Variants in PIP5K1B observed in about 807,000 individuals in gnomAD.
PIP5K1B encodes phosphatidylinositol 4-phosphate 5-kinase type-1 beta.
A neutral mutation model predicts 67.0 loss-of-function variants in PIP5K1B; 42 were observed. That is an observed-to-expected ratio of 0.63 (90% CI 0.49 to 0.81). The LOEUF (loss-of-function observed/expected upper bound fraction) is 0.81, where lower values mean the gene tolerates loss of function less well. Among genes scored for constraint, PIP5K1B ranks in the 30% least tolerant of loss-of-function variants. The pLI is 0.00. For synonymous variants in PIP5K1B, 214 were observed against 231.4 expected, an observed-to-expected ratio of 0.92 and a Z score of 0.68; for missense variants, 459 against 646.3, an observed-to-expected ratio of 0.71 and a Z score of 3.14.
intron 4 of PIP5K1B, among the ~76,000 whole-genome samples, chr9:68,849,512 A>G (rs11143997): frequency 0.022 from 3,398 of 152,194 alleles, 68 homozygotes; most frequent in East Asian, 0.1. Context: ...TCCCCAGGCA[A>G]GAGCCACCAT....
At chr9:68,898,564 CGT>C (rs539157344) in intron 8 of PIP5K1B, among the ~76,000 whole-genome samples, 1 of 152,166 alleles carries the variant, frequency 6.6e-6, no homozygotes, top group Non-Finnish European at 1.5e-5. Context: ...AGCTGAGATG[CGT>C]GTCCTATTTG....
intron 2 of PIP5K1B, among the ~76,000 whole-genome samples, chr9:68,816,767 G>A (rs563533504): frequency 6.6e-6 from 1 of 152,316 alleles, no homozygotes; most frequent in East Asian, 1.9e-4. Flanking sequence ...TCCATTTGAA[G>A]TAAGAGCTAA....
intron 1 of PIP5K1B, among the ~76,000 whole-genome samples, chr9:68,734,405 A>G (rs917224804): frequency 6.6e-6 from 1 of 152,226 alleles, no homozygotes; most frequent in Non-Finnish European, 1.5e-5. Flanking sequence ...GCTAGAAGAA[A>G]CAATAGAAAG....
At chr9:68,733,094 A>T (rs1828531209) in intron 1 of PIP5K1B, among the ~76,000 whole-genome samples, 1 of 152,286 alleles carries the variant, frequency 6.6e-6, no homozygotes, top group East Asian at 1.9e-4. Flanking sequence ...GTAAATGCTC[A>T]TGTACTTGTG....
chr9:68,933,049 G>A (rs1162874679), intron 12 of PIP5K1B, among the ~76,000 whole-genome samples: 2 of 151,236 alleles, frequency 1.3e-5, no homozygotes, highest in East Asian at 1.9e-4. Flanking sequence ...GCAGTGAGCC[G>A]AGATTGCGCC....
intron 14 of PIP5K1B, among the ~76,000 whole-genome samples, chr9:68,952,081 G>A (rs1192135992): frequency 1.3e-5 from 2 of 151,974 alleles, no homozygotes; most frequent in Non-Finnish European, 2.9e-5. Context: ...ACTGTAGTCC[G>A]ATCGATATTG....
chr9:68,887,554 T>G (rs1333925839), intron 6 of PIP5K1B, among the ~76,000 whole-genome samples: 2 of 152,214 alleles, frequency 1.3e-5, no homozygotes, highest in Non-Finnish European at 2.9e-5. Context: ...AGTGAGAACA[T>G]GCAATGTTTG....
chr9:68,848,773 A>C (rs1822326537), intron 4 of PIP5K1B, among the ~76,000 whole-genome samples: 1 of 152,250 alleles, frequency 6.6e-6, no homozygotes, highest in East Asian at 1.9e-4. Flanking sequence ...CTATTTTACA[A>C]ATGCAGTTTA....
intron 4 of PIP5K1B, among the ~76,000 whole-genome samples, chr9:68,850,273 T>C (rs1822413974): frequency 6.6e-6 from 1 of 152,106 alleles, no homozygotes; most frequent in African/African-American, 2.4e-5. Context: ...AGCCAGAAAA[T>C]AGTAATGTGA....
chr9:68,869,569 C>T lies in PIP5K1B; in HGVS notation c.200+5602C>T, dbSNP rs544282164. 2.3e-4 allele frequency among the ~76,000 whole-genome samples: 35 copies of T among 152,352 alleles called. No homozygotes were observed. The South Asian group carries it at 7.0e-3, about 31-fold the overall frequency. On this transcript the variant is annotated intron_variant, in intron 5 of 15. Transcript: ENST00000265382. ...AGGTTTAATTGGAATAAAGCCACAT[C>T]CATTCATTTACAAATTGTCTGCGGC...
chr9:68,754,479 T>A (rs867303120), intron 2 of PIP5K1B, among the ~76,000 whole-genome samples: 17 of 152,172 alleles, frequency 1.1e-4, no homozygotes, highest in African/African-American at 3.6e-4. Flanking sequence ...GGTTCCATGA[T>A]TTTTTAATGT....
At chr9:69,006,766 T>C (rs1000806857) in intron 15 of PIP5K1B, among the ~76,000 whole-genome samples, 5 of 152,250 alleles carry the variant, frequency 3.3e-5, no homozygotes, top group Admixed American at 6.5e-5. Context: ...GTGTGATCTA[T>C]AGAACGAGGA....
chr9:68,953,696 TCCCAGCTACTCAGAGG>T (rs898271709), intron 14 of PIP5K1B, among the ~76,000 whole-genome samples: 113 of 151,628 alleles, frequency 7.5e-4, no homozygotes, highest in African/African-American at 2.5e-3. Flanking sequence ...ACACCTGTAG[TCCCAGCTACTCAGAGG>T]CTCAGATGGC....
chr9:68,946,339 G>A (rs982013683), intron 14 of PIP5K1B, among the ~76,000 whole-genome samples: 6 of 152,084 alleles, frequency 3.9e-5, no homozygotes, highest in Non-Finnish European at 7.4e-5. Flanking sequence ...TGATGCACTC[G>A]TTGATGCTAA....
At chr9:68,872,760 C>A (rs750671585) in intron 5 of PIP5K1B, among the ~76,000 whole-genome samples, 5 of 152,180 alleles carry the variant, frequency 3.3e-5, no homozygotes, top group Non-Finnish European at 7.3e-5. Flanking sequence ...CATTCTGCAT[C>A]ATGTTTCATC....
At chr9:68,724,764 A>G (rs541134465) in intron 1 of PIP5K1B, among the ~76,000 whole-genome samples, 16 of 152,144 alleles carry the variant, frequency 1.1e-4, no homozygotes, top group Non-Finnish European at 2.1e-4. Flanking sequence ...TGACTTTTGT[A>G]TGTTTATTTT....
intron 2 of PIP5K1B, among the ~76,000 whole-genome samples, chr9:68,760,608 G>A (rs1830141837): frequency 6.6e-6 from 1 of 152,042 alleles, no homozygotes; most frequent in African/African-American, 2.4e-5. Flanking sequence ...AGCTCACTCT[G>A]CTGGACTCTT....
At chr9:68,824,991 A>G (rs1208344108) in intron 4 of PIP5K1B, among the ~76,000 whole-genome samples, 3 of 152,244 alleles carry the variant, frequency 2.0e-5, no homozygotes, top group Admixed American at 6.5e-5. Context: ...CTTATTTTCA[A>G]AAATGAGGAA....
chr9:68,857,616 A>C (rs1822845198), intron 4 of PIP5K1B, among the ~76,000 whole-genome samples: 2 of 152,204 alleles, frequency 1.3e-5, no homozygotes, highest in African/African-American at 2.4e-5. Flanking sequence ...CTGTAATCTC[A>C]ACATTTTGGG....
Sources: allele counts gnomAD v4.1 joint callset (sites outside exome capture counted in the v4.1 genomes callset), GRCh38; gene constraint gnomAD v4.1.1; transcripts MANE v1.5; gene names NCBI Gene and HGNC (gene_info 2026-07-23, HGNC 2026-07-21).